USP43: variants seen among roughly 807,000 people sequenced by gnomAD.
The protein encoded by USP43 is ubiquitin specific peptidase 43.
USP43 carries 33 observed loss-of-function variants against 90.7 expected under a neutral mutation model. That is an observed-to-expected ratio of 0.36 (90% CI 0.28 to 0.49). The LOEUF is 0.49. Among genes scored for constraint, USP43 ranks in the 20% least tolerant of loss-of-function variants. USP43 has a pLI of 0.98. For missense variants in USP43, 1,274 were observed against 1,476.4 expected (o/e 0.86, Z 2.25); for synonymous variants, 598 against 615.8 (o/e 0.97, Z 0.43).
At chr17:9,711,688 C>A (rs758297990) in intron 13 of USP43, among the ~76,000 whole-genome samples, 22 of 152,338 alleles carry the variant, frequency 1.4e-4, no homozygotes, top group Non-Finnish European at 3.1e-4. Flanking sequence ...GCCTCGGCCT[C>A]CGTAAGTGCT....
chr17:9,696,589 T>G (rs1915282445), intron 9 of USP43, among the ~76,000 whole-genome samples: 1 of 152,264 alleles, frequency 6.6e-6, no homozygotes, highest in Non-Finnish European at 1.5e-5. Context: ...CTTGCCAGTC[T>G]GAACTCTTCT....
intron 8 of USP43, among the ~76,000 whole-genome samples, chr17:9,687,911 A>G (rs1033298275): frequency 5.9e-5 from 9 of 152,226 alleles, no homozygotes; most frequent in Admixed American, 5.2e-4. Flanking sequence ...AGGTCAGTCT[A>G]TCCGGTGAGA....
At chr17:9,678,116 G>T (rs1913909080) in intron 5 of USP43, among the ~76,000 whole-genome samples, 1 of 152,140 alleles carries the variant, frequency 6.6e-6, no homozygotes, top group Non-Finnish European at 1.5e-5. Flanking sequence ...AAGATCAAAA[G>T]GGAGAAGTCT....
chr17:9,650,530 G>T (rs1307598460), intron 1 of USP43, among the ~76,000 whole-genome samples: 1 of 152,114 alleles, frequency 6.6e-6, no homozygotes, highest in Non-Finnish European at 1.5e-5. Flanking sequence ...AGCCTCCCAA[G>T]TAGCTGGGAT....
chr17:9,679,651 T>C (rs1914031904), intron 5 of USP43, among the ~76,000 whole-genome samples: 1 of 150,464 alleles, frequency 6.6e-6, no homozygotes. Context: ...TCAGCCTCCG[T>C]AGTAGCTGGG....
At chr17:9,656,353 G>A (rs776624910) in intron 1 of USP43, 50 bp from the exon 2 acceptor site, 5 of 1,586,984 alleles carry the variant, frequency 3.2e-6, no homozygotes, top group Non-Finnish European at 4.3e-6. Context: ...GCCTTCATTT[G>A]GTTGTATAAG....
At position 9,676,756 on chromosome 17, in the gene USP43, G is replaced by A; in HGVS notation, c.844G>A (p.Val282Ile). The A allele has an allele frequency of 6.2e-7, 1 of 1,613,494 alleles. No individual in the cohort carries two copies. Among genetic ancestry groups the A allele is most frequent in the Non-Finnish European group, 8.5e-7 (1 of 1,179,640 alleles). Residue 282 changes from valine to isoleucine, a missense_variant, in exon 5 of 15, where the codon GTC (valine) becomes ATC (isoleucine). Physicochemically the swap from Val to Ile is conservative, Grantham distance 29. Coordinates refer to ENST00000285199, the MANE Select transcript of USP43 (RefSeq NM_153210.5). ...IPLRQTRFLS[V>I]TLVFPSKSQR... ...CTTCCTATTTTCCAGGTTCTTGAGT[G>A]TCACCTTGGTCTTCCCCTCTAAGAG... is the stretch of plus-strand genomic sequence containing the variant.
intron 3 of USP43, among the ~76,000 whole-genome samples, chr17:9,672,915 T>C (rs898844297): frequency 2.6e-5 from 4 of 152,188 alleles, no homozygotes; most frequent in African/African-American, 9.7e-5. Context: ...GATTTTCCTA[T>C]TTGTCTGCTC....
At chr17:9,648,758 C>A (rs1331421774) in intron 1 of USP43, among the ~76,000 whole-genome samples, 1 of 152,080 alleles carries the variant, frequency 6.6e-6, no homozygotes, top group Non-Finnish European at 1.5e-5. Context: ...AATAAAAGCC[C>A]ACTTGGCTGG....
At chr17:9,718,158 G>A (rs1218276946) in intron 14 of USP43, among the ~76,000 whole-genome samples, 2 of 152,072 alleles carry the variant, frequency 1.3e-5, no homozygotes, top group East Asian at 1.9e-4. Context: ...GAAGTTTGGC[G>A]ATGCTTTTGG....
rs367822391 is a variant in USP43 at position 9,672,950 on chromosome 17, G to A, written c.741-1941G>A. ...CAGTGGAAAACCAATCAAACGAGAC[G>A]GGCACTTTCCACAAGGACTCAGGAA... On this transcript the variant is annotated intron_variant, in intron 3 of 14. Transcript: ENST00000285199. 3.9e-5 allele frequency among the ~76,000 whole-genome samples: 6 copies of A among 152,230 alleles called. No homozygotes were observed. The Middle Eastern group carries it at 0.01, about 259-fold the overall frequency.
chr17:9,711,174 A>C (rs1916173646), intron 13 of USP43, among the ~76,000 whole-genome samples: 2 of 152,132 alleles, frequency 1.3e-5, no homozygotes, highest in Non-Finnish European at 2.9e-5. Flanking sequence ...CCACTGTAAA[A>C]GATTTGGTTT....
chr17:9,688,461 C>G (rs1280147503), intron 8 of USP43, among the ~76,000 whole-genome samples: 7 of 151,684 alleles, frequency 4.6e-5, no homozygotes, highest in African/African-American at 1.7e-4. Flanking sequence ...AGCGATTCTC[C>G]TGCCTCAGCC....
At position 9,728,617 on chromosome 17, in the gene USP43, G is replaced by C; in HGVS notation, c.2999G>C (p.Arg1000Thr). ...CTGCAGGGGACACTCACCCTTCTGA[G>C]GTCCGTGTTTCGGAAGAAGGAGAAC... ...RPLQGTLTLL[R>T]SVFRKKENRR... The change falls in exon 15 of 15, where the codon AGG becomes ACG. Residue 1000 changes from arginine to threonine, a missense_variant. Arg to Thr is a moderately conservative substitution (Grantham distance 71). Transcript: ENST00000285199. The surrounding 1 kb of genome is among the most constrained non-coding windows in gnomAD (Gnocchi z 6.2). 6.2e-7 allele frequency: 1 copy of C among 1,613,840 alleles called. No individual in the cohort carries two copies. The highest frequency in any genetic ancestry group is 8.5e-7 in the Non-Finnish European group (1 of 1,179,832).
chr17:9,718,166 T>G (rs1057300326), intron 14 of USP43, among the ~76,000 whole-genome samples: 17 of 152,194 alleles, frequency 1.1e-4, no homozygotes, highest in African/African-American at 4.1e-4. Flanking sequence ...GCGATGCTTT[T>G]GGGACGAGAA....
Position 9,710,127 on chromosome 17 carries a change from G to T in USP43, c.2170+13G>T. On this transcript the variant is annotated intron_variant, in intron 13 of 14. Transcript: ENST00000285199. ...AGCTCCATGAGAGGTAGGTGCTGCT[G>T]CTCATGACAGGAGGGGGGTGTGGGG... The T allele has an allele frequency of 6.8e-7, 1 of 1,478,516 alleles. No homozygotes were observed. Among genetic ancestry groups the T allele is most frequent in the Non-Finnish European group, 9.0e-7 (1 of 1,111,904 alleles). 91.6% of individuals were successfully genotyped at this position (1,478,516 alleles called of 1,614,324 possible). A position where few individuals can be genotyped will look rare whatever the true frequency, so the allele number is the denominator to read the frequency against.
intron 1 of USP43, among the ~76,000 whole-genome samples, chr17:9,652,040 G>T (rs150180454): frequency 2.4e-3 from 361 of 151,940 alleles, no homozygotes; most frequent in African/African-American, 8.2e-3. Context: ...CAATGTTTGG[G>T]AAATAAAACA....
chr17:9,678,446 T>G (rs1203664285), intron 5 of USP43, among the ~76,000 whole-genome samples: 1 of 152,192 alleles, frequency 6.6e-6, no homozygotes, highest in African/African-American at 2.4e-5. Flanking sequence ...AACCTCCGCC[T>G]CCCAGGTTCA....
Position 9,728,901 on chromosome 17 carries a change from G to A in USP43, c.3283G>A (p.Glu1095Lys). 6.2e-7 allele frequency: 1 copy of A among 1,613,226 alleles called. No individual in the cohort carries two copies. Reference protein sequence around the residue: ...LGMSQRTVPGEQASYGTFQRV... With the variant: ...LGMSQRTVPGKQASYGTFQRV... ...CATGTCACAAAGGACTGTTCCAGGG[G>A]AGCAGGCTTCTTATGGCACCTTTCA... Residue 1095 changes from glutamate (E) to lysine (K), a missense_variant, in exon 15 of 15, where the codon GAG (glutamate) becomes AAG (lysine). Glu to Lys is a moderately conservative substitution (Grantham distance 56, BLOSUM62 1). Coordinates refer to ENST00000285199, the MANE Select transcript of USP43 (RefSeq NM_153210.5). The surrounding 1 kb of genome is among the most constrained non-coding windows in gnomAD (Gnocchi z 6.2).
Sources: allele counts gnomAD v4.1 joint callset (sites outside exome capture counted in the v4.1 genomes callset), GRCh38; gene constraint gnomAD v4.1.1; non-coding constraint Gnocchi (gnomAD v3.1); transcripts MANE v1.5; gene names NCBI Gene and HGNC (gene_info 2026-07-23, HGNC 2026-07-21).